TMEM114: variants seen among roughly 807,000 people sequenced by gnomAD.
TMEM114 encodes transmembrane protein 114, also known as claudin-26.
TMEM114 carries 6 observed loss-of-function variants against 6.2 expected under a neutral mutation model. That is an observed-to-expected ratio of 0.97 (90% CI 0.53 to 1.91). TMEM114 has a LOEUF of 1.91. Ranked by LOEUF, TMEM114 falls within the 40% of genes most tolerant of loss-of-function variation. The probability of loss-of-function intolerance (pLI) is 0.01; values close to 1 mark genes in which losing one functional copy is unlikely to be tolerated. For synonymous variants in TMEM114, 104 were observed against 73.0 expected, an observed-to-expected ratio of 1.42 and a Z score of -2.16; for missense variants, 218 against 158.3, an observed-to-expected ratio of 1.38 and a Z score of -2.02.
intron 2 of TMEM114, among the ~76,000 whole-genome samples, chr16:8,561,426 G>A (rs755864526): frequency 6.6e-6 from 1 of 152,202 alleles, no homozygotes; most frequent in East Asian, 1.9e-4. Flanking sequence ...CACCAGCCAT[G>A]TTTACTGTCT....
chr16:8,551,464 T>A (rs1305714704), intron 2 of TMEM114, among the ~76,000 whole-genome samples: 1 of 152,110 alleles, frequency 6.6e-6, no homozygotes, highest in African/African-American at 2.4e-5. Flanking sequence ...AAGATGAAAA[T>A]GTCAAGGCCA....
chr16:8,590,096 G>A lies in TMEM114; in HGVS notation c.-258C>T, dbSNP rs1012666548. On this transcript the variant is annotated 5_prime_UTR_variant, in exon 1 of 4. Coordinates refer to ENST00000620492, the MANE Select transcript of TMEM114 (RefSeq NM_001146336.2). The stretch of plus-strand genomic sequence containing the variant: ...CACCCCTCCAATGCCAGCTCTACCT[G>A]CAGACCCCCTCACTCTCACTTGTGC... The A allele has an allele frequency of 0.048, 17,259 of 358,512 alleles. 518 individuals are homozygous for A. Among genetic ancestry groups the A allele is most frequent in the Non-Finnish European group, 0.055 (11,122 of 200,974 alleles). The allele number at this position is 358,512 out of a possible 1,614,324, so 22.2% of individuals were successfully genotyped here.
At position 8,574,890 on chromosome 16, in the gene TMEM114, G is replaced by T. The variant is rs191385932; in HGVS notation, c.302-2666C>A. Among the ~76,000 whole-genome samples, 52 of 152,250 alleles carry T rather than the reference G, an allele frequency of 3.4e-4. No homozygotes were observed. The East Asian group carries it at 9.7e-3, about 28-fold the overall frequency. On this transcript the variant is annotated intron_variant, in intron 2 of 3. Transcript: ENST00000620492. ...CTATAAAATCTCCTGCTGAAATTTGGTTTAGCTTTCTTTGTGTGTGTGCCC... is the reference window on the plus strand; with the variant it reads ...CTATAAAATCTCCTGCTGAAATTTGTTTTAGCTTTCTTTGTGTGTGTGCCC...
chr16:8,551,959 T>C (rs3922382), intron 2 of TMEM114, among the ~76,000 whole-genome samples: 2,065 of 152,322 alleles, frequency 0.014, 44 homozygotes, highest in African/African-American at 0.048. Flanking sequence ...GGTATTATGC[T>C]GAGTGAAGAA....
chr16:8,574,908 G>A (rs903096575), intron 2 of TMEM114, among the ~76,000 whole-genome samples: 1 of 152,152 alleles, frequency 6.6e-6, no homozygotes, highest in Non-Finnish European at 1.5e-5. Context: ...TTCTTTGTGT[G>A]TGTGCCCTAT....
In TMEM114 at chr16:8,562,448, ATGAG is replaced by A. The variant is rs527418118; in HGVS notation, n.213-24626_213-24623del. ...AATAAGTGAGTGAGTGAATGAGTGA[ATGAG>A]TGAGTGAGGGAGGGAGGGAATGAGT... On this transcript the variant is annotated intron_variant and non_coding_transcript_variant, in intron 2 of 2. Coordinates refer to the TMEM114 transcript ENST00000623677. Among the ~76,000 whole-genome samples the A allele has an allele frequency of 2.3e-3, 237 of 105,072 alleles. 2 individuals carry two copies. The highest frequency in any genetic ancestry group is 3.8e-3 in the Non-Finnish European group (189 of 50,362). The allele number at this position is 105,072 out of a possible 152,430, so 68.9% of individuals were successfully genotyped here.
At chr16:8,560,977 G>A (rs990109331) in intron 2 of TMEM114, among the ~76,000 whole-genome samples, 34 of 152,302 alleles carry the variant, frequency 2.2e-4, no homozygotes, top group Non-Finnish European at 1.5e-4. Flanking sequence ...CACAGCAGGC[G>A]AGACAGGGAA....
intron 2 of TMEM114, among the ~76,000 whole-genome samples, chr16:8,563,686 T>C (rs974423958): frequency 1.3e-5 from 2 of 150,568 alleles, no homozygotes; most frequent in African/African-American, 5.0e-5. Flanking sequence ...AATGAGTAAG[T>C]GAATGAGTGA....
chr16:8,570,253 G>A (rs1044074195), intron 3 of TMEM114, among the ~76,000 whole-genome samples: 1 of 152,216 alleles, frequency 6.6e-6, no homozygotes, highest in African/African-American at 2.4e-5. Context: ...TGCCTGAGCA[G>A]TGATTCCACA....
At chr16:8,575,845 TTG>T (rs1901904354) in intron 2 of TMEM114, among the ~76,000 whole-genome samples, 2 of 152,224 alleles carry the variant, frequency 1.3e-5, no homozygotes, top group Non-Finnish European at 2.9e-5. Flanking sequence ...GCATGAAATC[TTG>T]TAAACCTTTT....
At chr16:8,536,548 C>A (rs1187324509), downstream of TMEM114, among the ~76,000 whole-genome samples, 1 of 152,200 alleles carries the variant, frequency 6.6e-6, no homozygotes, top group African/African-American at 2.4e-5. Context: ...GTAATGAAGT[C>A]TTCAATAAAT....
chr16:8,548,723 C>T (rs546192340), intron 2 of TMEM114, among the ~76,000 whole-genome samples: 21 of 130,800 alleles, frequency 1.6e-4, no homozygotes, highest in African/African-American at 6.2e-4. Flanking sequence ...AAAAATACAC[C>T]CATATATGGA....
downstream of TMEM114, among the ~76,000 whole-genome samples, chr16:8,536,221 T>A (rs1191579685): frequency 2.8e-5 from 4 of 142,426 alleles, no homozygotes; most frequent in East Asian, 4.0e-4. Flanking sequence ...CGAAACTCTG[T>A]CTCAAAAAAA....
chr16:8,543,167 C>T (rs964376064), intron 2 of TMEM114, among the ~76,000 whole-genome samples: 1 of 152,194 alleles, frequency 6.6e-6, no homozygotes, highest in African/African-American at 2.4e-5. Flanking sequence ...AACTTAGGAT[C>T]AGACAGACTG....
At chr16:8,556,502 G>T (rs1457046344) in intron 2 of TMEM114, among the ~76,000 whole-genome samples, 1 of 151,962 alleles carries the variant, frequency 6.6e-6, no homozygotes, top group Non-Finnish European at 1.5e-5. Flanking sequence ...TGTCGTTGTT[G>T]TTGTTGTTGT....
chr16:8,581,288 A>G (rs755201964), intron 2 of TMEM114, among the ~76,000 whole-genome samples: 2 of 152,174 alleles, frequency 1.3e-5, no homozygotes, highest in Non-Finnish European at 2.9e-5. Context: ...GCATTAGTAT[A>G]TTCTTTTTAC....
downstream of TMEM114, among the ~76,000 whole-genome samples, chr16:8,537,423 C>T (rs1370237919): frequency 6.6e-6 from 1 of 152,142 alleles, no homozygotes; most frequent in Admixed American, 6.5e-5. Flanking sequence ...ATGGCTTGAA[C>T]CCGGGAGGCA....
intron 2 of TMEM114, among the ~76,000 whole-genome samples, chr16:8,540,299 T>C (rs59079883): frequency 0.026 from 3,983 of 152,210 alleles, 191 homozygotes; most frequent in African/African-American, 0.091. Context: ...CAGTCTCAGA[T>C]AGAGGTAGGA....
chr16:8,562,943 A>G (rs919028553), intron 2 of TMEM114, among the ~76,000 whole-genome samples: 1 of 93,442 alleles, frequency 1.1e-5, no homozygotes, highest in African/African-American at 3.9e-5. Context: ...TGAATTAGTG[A>G]GTAAATGAGT....
Sources: gnomAD v4.1 joint callset for allele counts (sites outside exome capture counted in the v4.1 genomes callset) on GRCh38, gnomAD v4.1.1 for gene constraint, MANE v1.5 for transcripts, NCBI Gene and HGNC (gene_info 2026-07-23, HGNC 2026-07-21) for gene names.